Variants in GPC6 observed in about 807,000 individuals in gnomAD.
The protein encoded by GPC6 is glypican 6.
In GPC6, 14 loss-of-function variants were observed where a neutral mutation model predicts 55.2. The ratio of observed to expected loss-of-function variants is 0.25; its 90% CI spans 0.17 to 0.40. The LOEUF is 0.40. GPC6 is among the 10% of genes least tolerant of loss of function. The pLI is 1.00. For missense variants in GPC6, 641 were observed against 708.5 expected (o/e 0.90, Z 1.08); for synonymous variants, 278 against 259.6 (o/e 1.07, Z -0.68).
intron 2 of GPC6, among the ~76,000 whole-genome samples, chr13:93,765,536 T>G (rs1254339669): frequency 6.6e-6 from 1 of 152,144 alleles, no homozygotes; most frequent in African/African-American, 2.4e-5. Context: ...TTCTGTGCCT[T>G]CTAGAAAATA....
At chr13:93,552,826 C>G (rs1875232034) in intron 2 of GPC6, among the ~76,000 whole-genome samples, 2 of 152,182 alleles carry the variant, frequency 1.3e-5, no homozygotes, top group African/African-American at 4.8e-5. Context: ...AGACAAGTAT[C>G]CTTTCTCTGA....
chr13:94,370,407 A>G (rs1009735871), intron 6 of GPC6, among the ~76,000 whole-genome samples: 10 of 152,178 alleles, frequency 6.6e-5, no homozygotes, highest in African/African-American at 2.4e-4. Context: ...TGTTACCCCT[A>G]CTAGGCAGTG....
At chr13:94,335,272 TC>T (rs1877622321) in intron 6 of GPC6, among the ~76,000 whole-genome samples, 1 of 152,156 alleles carries the variant, frequency 6.6e-6, no homozygotes, top group South Asian at 2.1e-4. Context: ...AAAAAGCCTT[TC>T]AAATTAAGGT....
At position 93,652,975 on chromosome 13, in the gene GPC6, A is replaced by G. The variant is rs139526892; in HGVS notation, c.319+107554A>G. On this transcript the variant is annotated intron_variant, in intron 2 of 8. Coordinates refer to ENST00000377047, the MANE Select transcript of GPC6 (RefSeq NM_005708.5). ...AAGCATAACATTTATGTCTCTTTCT[A>G]TGCAACTTATAATATTCAGATACTT... Among the ~76,000 whole-genome samples, 689 of 152,314 alleles carry G rather than the reference A, an allele frequency of 4.5e-3. 2 individuals are homozygous for G. The highest frequency in any genetic ancestry group is 0.016 in the African/African-American group (659 of 41,574).
At chr13:94,153,811 G>A (rs903214997) in intron 4 of GPC6, among the ~76,000 whole-genome samples, 1 of 152,144 alleles carries the variant, frequency 6.6e-6, no homozygotes, top group Admixed American at 6.6e-5. Context: ...ACCAGAAGCA[G>A]CAGTTTAACA....
At chr13:93,238,897 G>T (rs1876332756) in intron 1 of GPC6, among the ~76,000 whole-genome samples, 1 of 152,072 alleles carries the variant, frequency 6.6e-6, no homozygotes, top group Admixed American at 6.6e-5. Context: ...TACATTTGTT[G>T]ACTTGCATAT....
intron 1 of GPC6, among the ~76,000 whole-genome samples, chr13:93,426,090 A>G (rs190945866): frequency 5.3e-5 from 8 of 152,310 alleles, no homozygotes; most frequent in East Asian, 3.9e-4. Flanking sequence ...ACATGTTTAC[A>G]TGTCTGTCTC....
At chr13:93,587,729 C>G (rs1877272206) in intron 2 of GPC6, among the ~76,000 whole-genome samples, 1 of 152,164 alleles carries the variant, frequency 6.6e-6, no homozygotes, top group African/African-American at 2.4e-5. Flanking sequence ...GAAGTAACCT[C>G]AGGCTGAAAG....
intron 4 of GPC6, among the ~76,000 whole-genome samples, chr13:94,222,764 C>G (rs1005390584): frequency 6.6e-6 from 1 of 152,108 alleles, no homozygotes; most frequent in African/African-American, 2.4e-5. Flanking sequence ...TCCTTCATTT[C>G]ATCTGCTTCT....
intron 3 of GPC6, among the ~76,000 whole-genome samples, chr13:93,935,257 C>G (rs537734995): frequency 6.6e-6 from 1 of 152,096 alleles, no homozygotes; most frequent in Non-Finnish European, 1.5e-5. Context: ...CAACCCTTGG[C>G]CCCCTCCCAT....
upstream of GPC6, among the ~76,000 whole-genome samples, chr13:93,226,352 G>T (rs1394685716): frequency 6.6e-6 from 1 of 152,106 alleles, no homozygotes; most frequent in African/African-American, 2.4e-5. Flanking sequence ...GTTGAGTCTA[G>T]AACCAAACCT....
At chr13:93,756,650 C>T (rs535306777) in intron 2 of GPC6, among the ~76,000 whole-genome samples, 32 of 152,208 alleles carry the variant, frequency 2.1e-4, no homozygotes, top group Admixed American at 2.0e-3. Flanking sequence ...TGGGGTTAAT[C>T]TTTGTAGCGC....
intron 4 of GPC6, among the ~76,000 whole-genome samples, chr13:94,045,599 C>A (rs1883702833): frequency 6.6e-6 from 1 of 151,774 alleles, no homozygotes; most frequent in South Asian, 2.1e-4. Context: ...AGGGAATGAA[C>A]CTTGGTGAAA....
chr13:93,940,624 A>G (rs1878689152), intron 3 of GPC6, among the ~76,000 whole-genome samples: 2 of 152,186 alleles, frequency 1.3e-5, no homozygotes, highest in Non-Finnish European at 2.9e-5. Context: ...AACAAATGGA[A>G]TGTGTGAACG....
intron 4 of GPC6, among the ~76,000 whole-genome samples, chr13:94,041,461 T>C (rs1447804265): frequency 6.6e-6 from 1 of 151,888 alleles, no homozygotes; most frequent in Non-Finnish European, 1.5e-5. Flanking sequence ...TAAGCTTGAC[T>C]TTTTATTGGC....
chr13:93,626,948 G>A (rs1302706679), intron 2 of GPC6, among the ~76,000 whole-genome samples: 1 of 152,062 alleles, frequency 6.6e-6, no homozygotes, highest in African/African-American at 2.4e-5. Context: ...GGGGGAAGCG[G>A]GCATGTCTTA....
At chr13:93,947,659 C>CAT (rs1304176207) in intron 3 of GPC6, among the ~76,000 whole-genome samples, 1 of 151,986 alleles carries the variant, frequency 6.6e-6, no homozygotes, top group East Asian at 1.9e-4. Flanking sequence ...CAATCAAAGA[C>CAT]ATATATGGGA....
intron 4 of GPC6, among the ~76,000 whole-genome samples, chr13:94,208,157 A>C (rs956027207): frequency 1.3e-5 from 2 of 152,164 alleles, no homozygotes; most frequent in Non-Finnish European, 2.9e-5. Flanking sequence ...GTGCCAGTTA[A>C]TTGGTGTGAA....
intron 2 of GPC6, among the ~76,000 whole-genome samples, chr13:93,640,414 AT>A (rs1171874763): frequency 2.0e-5 from 3 of 152,108 alleles, no homozygotes; most frequent in South Asian, 2.1e-4. Context: ...ATAGAAAAAA[AT>A]ATCGGCTTGG....
Sources: allele counts gnomAD v4.1 joint callset (sites outside exome capture counted in the v4.1 genomes callset), GRCh38; gene constraint gnomAD v4.1.1; transcripts MANE v1.5; gene names NCBI Gene and HGNC (gene_info 2026-07-23, HGNC 2026-07-21).